The following HYCC2 variants were observed in gnomAD, a reference collection of about 807,000 sequenced individuals.
The protein encoded by HYCC2 is hyccin 2.
At chr2:201,038,026 G>T in the HYCC2 span, among the ~76,000 whole-genome samples, 2 of 152,008 alleles carry the variant, frequency 1.3e-5, no homozygotes, top group South Asian at 2.1e-4. Context: ...AATCTACAAT[G>T]AACTCAAACA....
chr2:200,987,346 C>G, the HYCC2 span: 5 of 1,285,690 alleles, frequency 3.9e-6, no homozygotes, highest in Non-Finnish European at 5.1e-6. Flanking sequence ...TGACTTCTGC[C>G]TCCTCATCTC....
At chr2:201,039,280 G>A in the HYCC2 span, among the ~76,000 whole-genome samples, 4 of 152,152 alleles carry the variant, frequency 2.6e-5, no homozygotes, top group Admixed American at 2.0e-4. Flanking sequence ...GACAGGCACT[G>A]TATCCCAAGT....
chr2:201,051,370 A>C, the HYCC2 span, among the ~76,000 whole-genome samples: 1 of 152,218 alleles, frequency 6.6e-6, no homozygotes, highest in Non-Finnish European at 1.5e-5. Flanking sequence ...TAGCTAGTAC[A>C]GTAAAGCAAG....
chr2:201,066,059 G>A, the HYCC2 span, among the ~76,000 whole-genome samples: 1 of 151,762 alleles, frequency 6.6e-6, no homozygotes, highest in African/African-American at 2.4e-5. Flanking sequence ...TTTTATAAAA[G>A]CCCTTCATGT....
At chr2:201,008,162 A>G in the HYCC2 span, among the ~76,000 whole-genome samples, 1 of 152,156 alleles carries the variant, frequency 6.6e-6, no homozygotes, top group African/African-American at 2.4e-5. Flanking sequence ...AGTGAGGGCA[A>G]TTTTGCAACC....
At chr2:201,028,178 A>G in the HYCC2 span, among the ~76,000 whole-genome samples, 2 of 152,156 alleles carry the variant, frequency 1.3e-5, no homozygotes, top group African/African-American at 2.4e-5. Flanking sequence ...ATAACAAACA[A>G]ACAAAGAGCC....
chr2:201,070,257 T>C, the HYCC2 span, among the ~76,000 whole-genome samples: 2 of 152,170 alleles, frequency 1.3e-5, no homozygotes. Context: ...TCTATAAATA[T>C]ATTTTGCCTC....
the HYCC2 span, among the ~76,000 whole-genome samples, chr2:201,000,434 G>T: frequency 2.6e-5 from 4 of 152,028 alleles, no homozygotes; most frequent in African/African-American, 9.7e-5. Context: ...TTTAGCTTTG[G>T]GGAAAAAAAT....
chr2:201,042,009 C>G, the HYCC2 span, among the ~76,000 whole-genome samples: 3 of 152,260 alleles, frequency 2.0e-5, no homozygotes, highest in South Asian at 2.1e-4. Flanking sequence ...GATGCCGAGC[C>G]GAGGCTGGAC....
the HYCC2 span, chr2:200,997,135 G>C: frequency 4.5e-6 from 1 of 221,030 alleles, no homozygotes; most frequent in Non-Finnish European, 9.0e-6. Flanking sequence ...TACACCTGTG[G>C]TCCCAGCTAC....
At chr2:201,042,854 T>TGG in the HYCC2 span, among the ~76,000 whole-genome samples, 6 of 119,464 alleles carry the variant, frequency 5.0e-5, no homozygotes, top group African/African-American at 1.5e-4. Flanking sequence ...GTCTGGGAGG[T>TGG]GGGGGGGCCC....
chr2:201,068,170 C>G, the HYCC2 span, among the ~76,000 whole-genome samples: 3 of 152,016 alleles, frequency 2.0e-5, no homozygotes, highest in African/African-American at 7.3e-5. Context: ...GCCTGTAATC[C>G]CAGCTACTCC....
At chr2:200,988,504 T>C in the HYCC2 span, 1 of 950,504 alleles carries the variant, frequency 1.1e-6, no homozygotes, top group Non-Finnish European at 1.6e-6. Flanking sequence ...AATTTTCGAA[T>C]ATGTATTTAA....
chr2:201,050,422 C>A, the HYCC2 span, among the ~76,000 whole-genome samples: 2 of 151,838 alleles, frequency 1.3e-5, no homozygotes, highest in Non-Finnish European at 2.9e-5. Flanking sequence ...CTAGTGAATT[C>A]TTTCAATTAC....
chr2:200,988,540 CAT>C, the HYCC2 span: 1 of 638,908 alleles, frequency 1.6e-6, no homozygotes. Flanking sequence ...GTGTAATAAA[CAT>C]ATCTTTGTTG....
the HYCC2 span, among the ~76,000 whole-genome samples, chr2:201,051,884 C>G: frequency 6.6e-6 from 1 of 152,122 alleles, no homozygotes; most frequent in Non-Finnish European, 1.5e-5. Context: ...AGAGAACACC[C>G]CAATCCTCAA....
chr2:201,063,842 A>C, the HYCC2 span: 5 of 1,591,774 alleles, frequency 3.1e-6, no homozygotes, highest in South Asian at 5.5e-5. Context: ...TAATGATGGA[A>C]GCCATTTTGG....
the HYCC2 span, among the ~76,000 whole-genome samples, chr2:200,990,955 G>A: frequency 1.3e-5 from 2 of 152,142 alleles, no homozygotes; most frequent in South Asian, 2.1e-4. Flanking sequence ...TGATCCACCC[G>A]CCTCAGCCTC....
At chr2:201,040,641 T>C in the HYCC2 span, among the ~76,000 whole-genome samples, 3 of 152,072 alleles carry the variant, frequency 2.0e-5, no homozygotes, top group East Asian at 3.9e-4. Context: ...TGCACCACCA[T>C]ATCCGGCTAA....
Sources: gnomAD v4.1 joint callset for allele counts (sites outside exome capture counted in the v4.1 genomes callset) on GRCh38, gnomAD v4.1.1 for gene constraint, MANE v1.5 for transcripts, NCBI Gene and HGNC (gene_info 2026-07-23, HGNC 2026-07-21) for gene names.